Variants in MASTL observed in about 807,000 individuals in gnomAD.
MASTL encodes the protein microtubule associated serine/threonine kinase like, also known as serine/threonine-protein kinase greatwall.
Under a neutral mutation model 82.5 loss-of-function variants are expected in MASTL, and 54 were observed. The observed-to-expected ratio is 0.65, with a 90% CI of 0.53 to 0.82. The LOEUF (loss-of-function observed/expected upper bound fraction) is 0.82. MASTL is among the 40% of genes least tolerant of loss of function. The pLI is 0.00. For synonymous variants in MASTL, 323 were observed against 368.9 expected (o/e 0.88, Z 1.43); for missense variants, 950 against 1,047.8 (o/e 0.91, Z 1.29).
Position 27,170,691 on chromosome 10 carries a change from A to C in MASTL, c.1732A>C (p.Ile578Leu). 6.2e-7 allele frequency: 1 copy of C among 1,612,652 alleles called. No individual in the cohort carries two copies. The highest frequency in any genetic ancestry group is 8.5e-7 in the Non-Finnish European group (1 of 1,179,656). Residue 578 changes from isoleucine (I) to leucine (L), a missense_variant, in exon 8 of 12, where the codon ATA (isoleucine) becomes CTA (leucine). Physicochemically the swap from Ile to Leu is conservative, Grantham distance 5. Transcript: ENST00000375940. ...NSDSSFPGIS[I>L]MESPLESQPL... ...TGATTCATCTTTTCCTGGAATTTCT[A>C]TAATGGAAAGTCCATTAGAAAGTCA...
chr10:27,184,554 A>ATTTTTTTTTTTT (rs752147433), intron 11 of MASTL, among the ~76,000 whole-genome samples: 4 of 84,848 alleles, frequency 4.7e-5, no homozygotes, highest in African/African-American at 9.4e-5. Flanking sequence ...TATAAGAAGG[A>ATTTTTTTTTTTT]TTTTTTTTTT....
At chr10:27,155,295 G>C (rs1404149172), upstream of MASTL, 10 of 881,844 alleles carry the variant, frequency 1.1e-5, no homozygotes, top group Non-Finnish European at 1.5e-5. Flanking sequence ...GAGGTGACGA[G>C]GGCGGGGCGC....
rs986887959 is a variant in MASTL, at chr10:27,186,719, A to G, written c.*183A>G. The G allele has an allele frequency of 9.7e-6, 6 of 615,804 alleles. No homozygotes were observed. Among genetic ancestry groups the G allele is most frequent in the Middle Eastern group, 4.4e-4 (1 of 2,272 alleles). 38.1% of individuals were successfully genotyped at this position (615,804 alleles called of 1,614,324 possible). On this transcript the variant is annotated 3_prime_UTR_variant, in exon 12 of 12. Coordinates refer to ENST00000375940, the MANE Select transcript of MASTL (RefSeq NM_001172303.3). Reference sequence around the variant, plus strand: ...CTGAAAGGAATATAGTCAGTAATTTATCTTAACCTCAAAACTGTATATAAA... The same window carrying G: ...CTGAAAGGAATATAGTCAGTAATTTGTCTTAACCTCAAAACTGTATATAAA...
rs556163855 is a variant in MASTL, at chr10:27,170,920, C to T, written c.1961C>T (p.Ala654Val). The change falls in exon 8 of 12, where the codon GCT becomes GTT. Residue 654 changes from alanine (A) to valine (V), a missense_variant. Coordinates refer to ENST00000375940, the MANE Select transcript of MASTL (RefSeq NM_001172303.3). ...KTLASKRNAV[A>V]FRSFNSHINA... Reference sequence around the variant, plus strand: ...TTAGCCTCTAAAAGAAATGCTGTTGCTTTTCGAAGTTTTAACAGTCATATT... The same window carrying T: ...TTAGCCTCTAAAAGAAATGCTGTTGTTTTTCGAAGTTTTAACAGTCATATT... 4.3e-6 allele frequency: 7 copies of T among 1,614,128 alleles called. No individual in the cohort carries two copies. In the African/African-American group the frequency reaches 9.3e-5, roughly 22 times the overall value.
In MASTL at chr10:27,170,241, G is replaced by C. The variant is rs1462388910; in HGVS notation, c.1282G>C (p.Val428Leu). The stretch of plus-strand genomic sequence containing the variant: ...TTTCCATCAGTCAAATCAGTGGGCT[G>C]TGGATTCTGGTGGGATATCTGAAGA... Reference protein sequence around the residue: ...LGFHQSNQWAVDSGGISEEHL... With the variant: ...LGFHQSNQWALDSGGISEEHL... Residue 428 changes from valine to leucine, a missense_variant, in exon 8 of 12, where the codon GTG (valine) becomes CTG (leucine). Physicochemically the swap from Val to Leu is conservative, Grantham distance 32 (BLOSUM62 1). Transcript: ENST00000375940. 2 of 1,614,094 alleles carry C rather than the reference G, an allele frequency of 1.2e-6. No homozygotes were observed. The highest frequency in any genetic ancestry group is 1.7e-5 in the Admixed American group (1 of 60,010).
intron 4 of MASTL, among the ~76,000 whole-genome samples, chr10:27,162,472 T>G (rs1404322978): frequency 2.6e-5 from 4 of 152,110 alleles, no homozygotes; most frequent in African/African-American, 9.7e-5. Context: ...AGTTCTAGAC[T>G]AGCCTGGCCA....
At position 27,169,983 on chromosome 10, in the gene MASTL, A is replaced by G; in HGVS notation, c.1024A>G (p.Asn342Asp). ...EALGPTMMSW[N>D]AVEKLCAKSA... ...ATTGGGCCCAACAATGATGAGTTGG[A>G]ATGCAGTTGAAAAGTTATGCGCAAA... The change falls in exon 8 of 12, where the codon AAT becomes GAT. Residue 342 changes from asparagine (N) to aspartate (D), a missense_variant. Asn to Asp is a conservative substitution (Grantham distance 23). Coordinates refer to ENST00000375940, the MANE Select transcript of MASTL (RefSeq NM_001172303.3). 6.2e-7 allele frequency: 1 copy of G among 1,614,154 alleles called. No individual in the cohort carries two copies.
At chr10:27,184,003 C>T (rs184121748) in intron 11 of MASTL, among the ~76,000 whole-genome samples, 1 of 152,282 alleles carries the variant, frequency 6.6e-6, no homozygotes, top group Admixed American at 6.5e-5. Context: ...TGAGCCACCA[C>T]GCCTGGCCCA....
intron 4 of MASTL, among the ~76,000 whole-genome samples, chr10:27,163,357 T>C (rs1056555121): frequency 1.3e-5 from 2 of 152,216 alleles, no homozygotes; most frequent in African/African-American, 4.8e-5. Flanking sequence ...TTCAAAGAAA[T>C]CTGACTTTGA....
intron 9 of MASTL, among the ~76,000 whole-genome samples, chr10:27,180,461 G>A (rs898556113): frequency 3.9e-5 from 6 of 152,016 alleles, no homozygotes; most frequent in African/African-American, 1.2e-4. Context: ...GCGTGATCTC[G>A]GCTCACTGCA....
At chr10:27,172,189 T>C (rs972390618) in intron 8 of MASTL, among the ~76,000 whole-genome samples, 1 of 152,156 alleles carries the variant, frequency 6.6e-6, no homozygotes, top group African/African-American at 2.4e-5. Flanking sequence ...AAAGTTTTAC[T>C]TTTTTTCTTC....
At position 27,186,625 on chromosome 10, in the gene MASTL, G is replaced by T; in HGVS notation, c.*89G>T. 1 of 1,185,606 alleles carries T rather than the reference G, an allele frequency of 8.4e-7. No individual in the cohort carries two copies. The highest frequency in any genetic ancestry group is 1.7e-5 in the Admixed American group (1 of 59,378). 73.4% of individuals were successfully genotyped at this position (1,185,606 alleles called of 1,614,324 possible). A position where few individuals can be genotyped will look rare whatever the true frequency, so the allele number is the denominator to read the frequency against. ...CTTAATACTAGATTGATCTAAGGGG[G>T]AAAGATCATTATTTAACCTAGTTCA... On this transcript the variant is annotated 3_prime_UTR_variant, in exon 12 of 12. Transcript: ENST00000375940.
chr10:27,177,048 A>G (rs2058124128), intron 9 of MASTL, among the ~76,000 whole-genome samples: 1 of 151,740 alleles, frequency 6.6e-6, no homozygotes, highest in South Asian at 2.1e-4. Context: ...TTTCACCATC[A>G]TGGCCAGGCT....
chr10:27,175,251 C>T (rs1182104582), intron 9 of MASTL, among the ~76,000 whole-genome samples: 1 of 151,960 alleles, frequency 6.6e-6, no homozygotes, highest in Non-Finnish European at 1.5e-5. Flanking sequence ...GGCACGATCT[C>T]AGCTCACTGC....
chr10:27,158,690 AGTAAATAATTTTTATGTTGTTTCTTTATC>A lies in MASTL; in HGVS notation c.324+5_324+33del. ...GTCTGCAAACAATGTCTACTTGGTG[AGTAAATAATTTTTATGTTGTTTCTTTATC>A]CATTAAGCAGTCATTGAACCTAGTG... On this transcript the variant is annotated splice_donor_5th_base_variant and intron_variant, in intron 2 of 11. Coordinates refer to ENST00000375940, the MANE Select transcript of MASTL (RefSeq NM_001172303.3). 6.2e-7 allele frequency: 1 copy of A among 1,613,526 alleles called. No individual in the cohort carries two copies. Among genetic ancestry groups the A allele is most frequent in the Non-Finnish European group, 8.5e-7 (1 of 1,179,450 alleles).
chr10:27,174,950 T>A (rs1026680131), intron 9 of MASTL, among the ~76,000 whole-genome samples: 1 of 151,910 alleles, frequency 6.6e-6, no homozygotes, highest in Admixed American at 6.6e-5. Context: ...GTTACTTCCC[T>A]TTTCTTTGAG....
intron 9 of MASTL, chr10:27,177,957 T>C (rs965015616): frequency 5.3e-6 from 1 of 188,256 alleles, no homozygotes; most frequent in Admixed American, 6.5e-5. Flanking sequence ...TTCTGTTTTC[T>C]GAGCAGCAAG....
chr10:27,186,510 C>G lies in MASTL; in HGVS notation c.2614C>G (p.Leu872Val). 6.2e-7 allele frequency: 1 copy of G among 1,614,058 alleles called. No individual in the cohort carries two copies. The highest frequency in any genetic ancestry group is 8.5e-7 in the Non-Finnish European group (1 of 1,179,990). ...TGAAGCCAGGAATACTGCTCAGCAC[C>G]TGACTGTATCTGGATTTAGTCTGTA... Reference protein sequence around the residue: ...YFEARNTAQHLTVSGFSL With the variant: ...YFEARNTAQHVTVSGFSL Residue 872 changes from leucine (L) to valine (V), a missense_variant, in exon 12 of 12, where the codon CTG becomes GTG. Transcript: ENST00000375940.
chr10:27,181,298 G>A (rs550497090), intron 10 of MASTL, among the ~76,000 whole-genome samples, 182 bp from the exon 11 acceptor site: 85 of 152,302 alleles, frequency 5.6e-4, no homozygotes, highest in African/African-American at 2.0e-3. Flanking sequence ...GGCTGAAGCA[G>A]GAGAATCGCT....
Sources: allele counts gnomAD v4.1 joint callset (sites outside exome capture counted in the v4.1 genomes callset), GRCh38; gene constraint gnomAD v4.1.1; transcripts MANE v1.5; gene names NCBI Gene and HGNC (gene_info 2026-07-23, HGNC 2026-07-21).